GLI1: variants seen among roughly 807,000 people sequenced by gnomAD.
GLI1 encodes the protein transcription activator GLI1.
Under a neutral mutation model 87.8 loss-of-function variants are expected in GLI1, and 51 were observed. That is an observed-to-expected ratio of 0.58 (90% CI 0.46 to 0.73). GLI1 has a LOEUF of 0.73. Ranked by LOEUF, GLI1 falls within the 30% of genes least tolerant of loss-of-function variation. The pLI is 0.00. For synonymous variants in GLI1, 528 were observed against 558.2 expected, an observed-to-expected ratio of 0.95 and a Z score of 0.76; for missense variants, 1,292 against 1,437.2, an observed-to-expected ratio of 0.90 and a Z score of 1.63.
intron 1 of GLI1, among the ~76,000 whole-genome samples, chr12:57,463,275 T>C (rs1414989812): frequency 6.6e-6 from 1 of 152,176 alleles, no homozygotes; most frequent in East Asian, 1.9e-4. Context: ...TGGAGTGCAG[T>C]GGCACCATCT....
At position 57,467,269 on chromosome 12, in the gene GLI1, G is replaced by T. The variant is rs1248722408; in HGVS notation, c.913-64G>T. The T allele has an allele frequency of 3.0e-6, 4 of 1,311,554 alleles. No individual in the cohort carries two copies. In the African/African-American group the frequency reaches 5.8e-5, roughly 19 times the overall value. 81.2% of individuals were successfully genotyped at this position (1,311,554 alleles called of 1,614,324 possible). The stretch of plus-strand genomic sequence containing the variant: ...TGATGTGTGTCCTGTTGGAGATTGA[G>T]GGTTCCTTCCATCTCCATGTCCTCT... On this transcript the variant is annotated intron_variant, in intron 8 of 11. Coordinates refer to ENST00000228682, the MANE Select transcript of GLI1 (RefSeq NM_005269.3).
Position 57,471,108 on chromosome 12 carries a change from T to C in GLI1, c.2368T>C (p.Tyr790His). ...TGAGTTCCCTTCCCACTCTGGGCTG[T>C]ACCCAGGCCCCAAGGCTCTAGGTGG... ...WGEFPSHSGL[Y>H]PGPKALGGTY... The change falls in exon 12 of 12, where the codon TAC (tyrosine) becomes CAC (histidine). Residue 790 changes from tyrosine (Y) to histidine (H), a missense_variant. Transcript: ENST00000228682. The surrounding 1 kb of genome is among the most constrained non-coding windows in gnomAD (Gnocchi z 4.9). The C allele has an allele frequency of 2.5e-6, 4 of 1,613,402 alleles. No individual in the cohort carries two copies. The highest frequency in any genetic ancestry group is 3.4e-6 in the Non-Finnish European group (4 of 1,179,658).
chr12:57,463,628 T>C, intron 1 of GLI1, 37 bp from the exon 2 acceptor site: 1 of 984,346 alleles, frequency 1.0e-6, no homozygotes, highest in Non-Finnish European at 1.6e-6. Flanking sequence ...ACAGTCTCTA[T>C]TTCCTCCACC....
rs553379502 is a variant in GLI1 at position 57,467,233 on chromosome 12, G to C, written c.913-100G>C. The C allele has an allele frequency of 2.4e-5, 24 of 1,010,094 alleles. No individual in the cohort carries two copies. The South Asian group carries it at 4.1e-4, about 17-fold the overall frequency. The allele number at this position is 1,010,094 out of a possible 1,614,324, so 62.6% of individuals were successfully genotyped here. The stretch of plus-strand genomic sequence containing the variant: ...GAAGCCCCAGTGCCTTTCATCTTGA[G>C]TTATATTCTCTGATGTGTGTCCTGT... On this transcript the variant is annotated intron_variant, in intron 8 of 11. Coordinates refer to ENST00000228682, the MANE Select transcript of GLI1 (RefSeq NM_005269.3).
rs1871020778 is a variant in GLI1 at position 57,460,026 on chromosome 12, G to A, written c.-203G>A. ...AGTTTGCGCTTCTCGCGGGTGGTCC[G>A]GGCTTGCGGCCCGGCGGGCTGGGCC... On this transcript the variant is annotated 5_prime_UTR_variant, in exon 1 of 12. Coordinates refer to ENST00000228682, the MANE Select transcript of GLI1 (RefSeq NM_005269.3). 1 of 151,398 alleles carries A rather than the reference G, an allele frequency of 6.6e-6. No homozygotes were observed. The highest frequency in any genetic ancestry group is 2.4e-5 in the African/African-American group (1 of 41,158). The allele number at this position is 151,398 out of a possible 1,614,324, so 9.4% of individuals were successfully genotyped here. A position where few individuals can be genotyped will look rare whatever the true frequency, so the allele number is the denominator to read the frequency against.
At position 57,472,036 on chromosome 12, in the gene GLI1, C is replaced by T. The variant is rs1872032676; in HGVS notation, c.3296C>T (p.Thr1099Ile). 3 of 1,507,782 alleles carry T rather than the reference C, an allele frequency of 2.0e-6. No homozygotes were observed. In the African/African-American group the frequency reaches 4.2e-5, roughly 21 times the overall value. 93.4% of individuals were successfully genotyped at this position (1,507,782 alleles called of 1,614,324 possible). The change falls in exon 12 of 12, where the codon ACA becomes ATA. Residue 1099 changes from threonine to isoleucine, a missense_variant. Around this residue, in one of 3 missense-constraint regions of GLI1, gnomAD observed 897 missense variants for 1,040.7 expected, o/e 0.86. Transcript: ENST00000228682. ...SVLLRSLPGE[T>I]EFLNSSA ...TTACTGAGATCCCTACCTGGGGAAA[C>T]AGAATTCCTCAACTCTAGTGCCTAA... is the stretch of plus-strand genomic sequence containing the variant.
chr12:57,461,074 C>T (rs1158297193), intron 1 of GLI1, among the ~76,000 whole-genome samples: 1 of 152,140 alleles, frequency 6.6e-6, no homozygotes, highest in Non-Finnish European at 1.5e-5. Flanking sequence ...TGCCCTTGCT[C>T]CCCGCTCTGA....
rs1019239130 is a variant in GLI1 at position 57,465,135 on chromosome 12, G to C, written c.414G>C (p.Gln138His). ...GCCCATCTCTGGGATTCCCAGCCCAGATGAATCACCAAAAAGGGCCCTCGC... is the reference window on the plus strand; with the variant it reads ...GCCCATCTCTGGGATTCCCAGCCCACATGAATCACCAAAAAGGGCCCTCGC... ...TMSPSLGFPAQMNHQKGPSPS... is the reference protein window; with the variant it reads ...TMSPSLGFPAHMNHQKGPSPS... Residue 138 changes from glutamine to histidine, a missense_variant, in exon 5 of 12, where the codon CAG becomes CAC. Around this residue, in one of 3 missense-constraint regions of GLI1, gnomAD observed 383 missense variants for 368.4 expected, o/e 1.04. Transcript: ENST00000228682. The C allele has an allele frequency of 1.2e-6, 2 of 1,614,190 alleles. No individual in the cohort carries two copies. Among genetic ancestry groups the C allele is most frequent in the African/African-American group, 2.7e-5 (2 of 75,076 alleles).
rs1415230750 is a variant in GLI1, at chr12:57,468,027, A to G, written c.1111A>G (p.Lys371Glu). 1 of 1,614,218 alleles carries G rather than the reference A, an allele frequency of 6.2e-7. No individual in the cohort carries two copies. Residue 371 changes from lysine to glutamate, a missense_variant, in exon 10 of 12, where the codon AAA becomes GAA. Transcript: ENST00000228682. ...PYVCKLPGCT[K>E]RYTDPSSLRK... ...TGTATGTAAGCTCCCTGGCTGCACC[A>G]AACGCTATACAGATCCTAGCTCGCT... is the stretch of plus-strand genomic sequence containing the variant.
At position 57,466,401 on chromosome 12, in the gene GLI1, G is replaced by A. The variant is rs2139856991; in HGVS notation, c.912+12G>A. On this transcript the variant is annotated intron_variant, in intron 8 of 11. Coordinates refer to ENST00000228682, the MANE Select transcript of GLI1 (RefSeq NM_005269.3). ...CACACAAGTGCACGGTGAGGCACCA[G>A]TGTCCCAAGTCCAGGGTCTCTTCCT... The A allele has an allele frequency of 1.9e-6, 3 of 1,604,858 alleles. No individual in the cohort carries two copies. Among genetic ancestry groups the A allele is most frequent in the Non-Finnish European group, 2.6e-6 (3 of 1,173,846 alleles).
rs763909577 is a variant in GLI1 at position 57,471,201 on chromosome 12, C to A, written c.2461C>A (p.Pro821Thr). ...QVQVKPEQGCPVGSDSTGLAP... is the reference protein window; with the variant it reads ...QVQVKPEQGCTVGSDSTGLAP... ...GCAAGTCAAGCCAGAACAGGGGTGC[C>A]CAGTGGGGTCTGACTCCACAGGACT... is the stretch of plus-strand genomic sequence containing the variant. Residue 821 changes from proline to threonine, a missense_variant, in exon 12 of 12, where the codon CCA (proline) becomes ACA (threonine). Pro to Thr is a conservative substitution (Grantham distance 38). Transcript: ENST00000228682. The surrounding 1 kb of genome is among the most constrained non-coding windows in gnomAD (Gnocchi z 4.9). The A allele has an allele frequency of 1.3e-6, 2 of 1,599,808 alleles. No homozygotes were observed. Among genetic ancestry groups the A allele is most frequent in the Non-Finnish European group, 1.7e-6 (2 of 1,173,064 alleles).
intron 1 of GLI1, among the ~76,000 whole-genome samples, chr12:57,461,757 A>T (rs1451150065): frequency 1.3e-5 from 2 of 149,120 alleles, no homozygotes; most frequent in Non-Finnish European, 3.0e-5. Flanking sequence ...CCGAGGAGGC[A>T]CGGGGGCGGG....
intron 8 of GLI1, among the ~76,000 whole-genome samples, chr12:57,466,613 A>G (rs1871504919): frequency 6.6e-6 from 1 of 152,198 alleles, no homozygotes; most frequent in African/African-American, 2.4e-5. Flanking sequence ...TTTAAAAGAC[A>G]TTAAAACAGG....
chr12:57,464,561 A>T, intron 3 of GLI1, 112 bp from the exon 4 acceptor site: 1 of 683,102 alleles, frequency 1.5e-6, no homozygotes, highest in Non-Finnish European at 2.5e-6. Context: ...TAGCATCAAT[A>T]GGGCAAAGCA....
intron 1 of GLI1, among the ~76,000 whole-genome samples, chr12:57,462,854 C>A (rs1871231624): frequency 6.6e-6 from 1 of 152,158 alleles, no homozygotes; most frequent in Non-Finnish European, 1.5e-5. Flanking sequence ...CTGGACACTG[C>A]AGAGATTGTA....
chr12:57,465,376 G>T lies in GLI1; in HGVS notation c.534+121G>T, dbSNP rs539180634. On this transcript the variant is annotated intron_variant, in intron 5 of 11. Coordinates refer to ENST00000228682, the MANE Select transcript of GLI1 (RefSeq NM_005269.3). ...AAGTTTTCAGTACTAGAAAAGTAAA[G>T]AGGTGTGGGTGCTGGGGTTCACTCC... 2.5e-4 allele frequency: 234 copies of T among 942,534 alleles called. 3 individuals carry two copies. The East Asian group carries it at 5.9e-3, about 24-fold the overall frequency. 58.4% of individuals were successfully genotyped at this position (942,534 alleles called of 1,614,324 possible).
chr12:57,467,386 G>A lies in GLI1; in HGVS notation c.966G>A (p.Leu322=), dbSNP rs377325662. 4.3e-6 allele frequency: 7 copies of A among 1,612,784 alleles called. No homozygotes were observed. The African/African-American group carries it at 6.7e-5, about 15-fold the overall frequency. Residue 322 remains leucine, a synonymous_variant, in exon 9 of 12, where the codon CTG becomes CTA. Coordinates refer to ENST00000228682, the MANE Select transcript of GLI1 (RefSeq NM_005269.3). ...YSRLENLKTH[L]RSHTGEKPYM... ...GCCTCGAAAACCTGAAGACGCACCT[G>A]CGGTCACACACGGGTGAGAAGCCAT...
At chr12:57,468,905 C>A (rs2139861372) in intron 10 of GLI1, among the ~76,000 whole-genome samples, 1 of 152,274 alleles carries the variant, frequency 6.6e-6, no homozygotes, top group South Asian at 2.1e-4. Context: ...GCGCCTGCCA[C>A]CACGCCGGGC....
intron 10 of GLI1, 71 bp from the exon 11 acceptor site, chr12:57,469,360 G>A (rs1871714469): frequency 2.0e-6 from 3 of 1,491,586 alleles, no homozygotes; most frequent in Admixed American, 1.7e-5. Context: ...TGGGACACAG[G>A]CTTCAGCCAC....
Sources: allele counts gnomAD v4.1 joint callset (sites outside exome capture counted in the v4.1 genomes callset), GRCh38; gene constraint gnomAD v4.1.1; regional missense constraint gnomAD v4.1.1; non-coding constraint Gnocchi (gnomAD v3.1); transcripts MANE v1.5; gene names NCBI Gene and HGNC (gene_info 2026-07-23, HGNC 2026-07-21).